The following ZNF536 variants were observed in gnomAD, a reference collection of about 807,000 sequenced individuals.
ZNF536 encodes the protein zinc finger protein 536.
Under a neutral mutation model 84.5 loss-of-function variants are expected in ZNF536, and 13 were observed. The observed-to-expected ratio is 0.15, with a 90% CI of 0.10 to 0.24. The LOEUF is 0.24. Among genes scored for constraint, ZNF536 ranks in the 10% least tolerant of loss-of-function variants. The pLI is 1.00. For missense variants in ZNF536, 1,536 were observed against 1,747.5 expected, an observed-to-expected ratio of 0.88 and a Z score of 2.16; for synonymous variants, 811 against 742.5, an observed-to-expected ratio of 1.09 and a Z score of -1.50.
At chr19:30,402,823 A>ATATATATATATATATATATATAT (rs71171802) in intron 1 of ZNF536, among the ~76,000 whole-genome samples, 66 of 138,328 alleles carry the variant, frequency 4.8e-4, no homozygotes, top group Non-Finnish European at 8.1e-4. Context: ...ATATATATAT[A>ATATATATATATATATATATATAT]ATTTTCAAAA....
chr19:30,704,254 G>A (rs76346341), intron 1 of ZNF536, among the ~76,000 whole-genome samples: 11,116 of 152,192 alleles, frequency 0.073, 535 homozygotes, highest in Non-Finnish European at 0.099. Flanking sequence ...CAACATTGAT[G>A]GACATTAGCA....
At chr19:30,380,972 G>T (rs2048999585) in intron 1 of ZNF536, among the ~76,000 whole-genome samples, 3 of 152,134 alleles carry the variant, frequency 2.0e-5, no homozygotes, top group Admixed American at 6.5e-5. Context: ...CAACTCCTGG[G>T]CTCAGGTGAT....
chr19:30,412,864 CT>C (rs969340758), intron 1 of ZNF536, among the ~76,000 whole-genome samples: 2 of 151,482 alleles, frequency 1.3e-5, no homozygotes, highest in East Asian at 1.9e-4. Context: ...AGTGATGAGG[CT>C]TTTTTTTAAA....
At chr19:30,712,533 A>C (rs1449046812) in exon 2 of ZNF536, 2 of 152,190 alleles carry the variant, frequency 1.3e-5, no homozygotes, top group Admixed American at 1.3e-4. Context: ...CAAAAATACT[A>C]AACTGCAATC....
At chr19:30,562,535 C>T (rs1196861110), downstream of ZNF536, among the ~76,000 whole-genome samples, 1 of 152,148 alleles carries the variant, frequency 6.6e-6, no homozygotes, top group African/African-American at 2.4e-5. Flanking sequence ...ACCTGATTAT[C>T]TGACTTTTTT....
At chr19:30,415,651 C>T (rs1272044861) in intron 1 of ZNF536, among the ~76,000 whole-genome samples, 6 of 152,026 alleles carry the variant, frequency 3.9e-5, no homozygotes, top group Non-Finnish European at 4.4e-5. Flanking sequence ...TGCTCTGTAG[C>T]CCGGGCTGGA....
intron 3 of ZNF536, among the ~76,000 whole-genome samples, chr19:30,360,120 G>A (rs745791272): frequency 2.6e-5 from 4 of 152,198 alleles, no homozygotes; most frequent in Non-Finnish European, 4.4e-5. Flanking sequence ...AGGAGATCGG[G>A]GCAGGCCCCC....
chr19:30,364,707 C>T (rs536932509), intron 3 of ZNF536, among the ~76,000 whole-genome samples: 27 of 152,214 alleles, frequency 1.8e-4, no homozygotes, highest in African/African-American at 6.0e-4. Context: ...GCTCTCAGGC[C>T]AGGGCATGAA....
intron 1 of ZNF536, among the ~76,000 whole-genome samples, chr19:30,590,799 G>A (rs945166641): frequency 5.3e-5 from 8 of 152,194 alleles, no homozygotes; most frequent in Non-Finnish European, 1.2e-4. Context: ...TCCAGTTCTG[G>A]TGTTTGTTTT....
At chr19:30,587,175 C>A (rs943400143) in intron 1 of ZNF536, among the ~76,000 whole-genome samples, 1 of 152,144 alleles carries the variant, frequency 6.6e-6, no homozygotes, top group Non-Finnish European at 1.5e-5. Context: ...AGCAGAAATC[C>A]AATTGCAAAG....
chr19:30,625,741 A>G (rs1846648735), intron 1 of ZNF536, among the ~76,000 whole-genome samples: 1 of 152,236 alleles, frequency 6.6e-6, no homozygotes, highest in South Asian at 2.1e-4. Flanking sequence ...ACCTGGATAC[A>G]CCTGCTTCCA....
intron 2 of ZNF536, among the ~76,000 whole-genome samples, chr19:30,341,447 G>A (rs537557033): frequency 3.0e-4 from 46 of 152,266 alleles, no homozygotes; most frequent in Non-Finnish European, 5.4e-4. Flanking sequence ...GACAGGCAGG[G>A]CCTTAGAACT....
intron 1 of ZNF536, among the ~76,000 whole-genome samples, chr19:30,580,536 G>A (rs139316666): frequency 3.4e-4 from 51 of 152,134 alleles, no homozygotes; most frequent in Middle Eastern, 3.4e-3. Flanking sequence ...GTGTTTCTGC[G>A]GGCATGCCAG....
chr19:30,524,265 T>C (rs1401046364), intron 2 of ZNF536, among the ~76,000 whole-genome samples: 1 of 152,232 alleles, frequency 6.6e-6, no homozygotes, highest in Non-Finnish European at 1.5e-5. Context: ...GTATGTATTA[T>C]GTATGGTGTG....
intron 2 of ZNF536, among the ~76,000 whole-genome samples, chr19:30,500,455 C>T (rs2054903638): frequency 6.6e-6 from 1 of 151,832 alleles, no homozygotes; most frequent in African/African-American, 2.4e-5. Flanking sequence ...GGGCTCATTC[C>T]TGGGTCTAGA....
intron 1 of ZNF536, among the ~76,000 whole-genome samples, chr19:30,679,367 C>T (rs114677636): frequency 5.0e-4 from 76 of 152,306 alleles, no homozygotes; most frequent in African/African-American, 1.6e-3. Context: ...GGAAAGGAGA[C>T]GCGGCAGCTG....
intron 2 of ZNF536, among the ~76,000 whole-genome samples, chr19:30,452,986 G>A (rs1401269948): frequency 1.3e-5 from 2 of 148,668 alleles, no homozygotes; most frequent in Non-Finnish European, 3.0e-5. Flanking sequence ...GTGTCGGGGG[G>A]GTGGGCAGGT....
chr19:30,547,602 CT>C (rs1568538569), intron 3 of ZNF536, among the ~76,000 whole-genome samples: 1 of 152,188 alleles, frequency 6.6e-6, no homozygotes, highest in Admixed American at 6.5e-5. Flanking sequence ...CATACTTTCT[CT>C]TTTTAAACTT....
At chr19:30,555,959 C>T (rs555154238) in intron 4 of ZNF536, 64 of 152,350 alleles carry the variant, frequency 4.2e-4, no homozygotes, top group African/African-American at 1.4e-3. Context: ...GGGGCATCTC[C>T]ACTGCAAGAT....
Sources: allele counts gnomAD v4.1 joint callset (sites outside exome capture counted in the v4.1 genomes callset), GRCh38; gene constraint gnomAD v4.1.1; transcripts MANE v1.5; gene names NCBI Gene and HGNC (gene_info 2026-07-23, HGNC 2026-07-21).